Variants in DDX60 observed in about 807,000 individuals in gnomAD.
DDX60 encodes the protein probable ATP-dependent RNA helicase DDX60.
In DDX60, 165 loss-of-function variants were observed where a neutral mutation model predicts 212.8. The observed-to-expected ratio is 0.78, with a 90% CI of 0.68 to 0.88. DDX60 has a LOEUF of 0.88. DDX60 is among the 40% of genes least tolerant of loss of function. The pLI is 0.00. For synonymous variants in DDX60, 703 were observed against 685.3 expected (o/e 1.03, Z -0.40); for missense variants, 1,905 against 2,003.9 (o/e 0.95, Z 0.94).
chr4:168,224,480 A>T, intron 34 of DDX60, 95 bp from the exon 35 acceptor site: 1 of 1,203,642 alleles, frequency 8.3e-7, no homozygotes, highest in Non-Finnish European at 1.2e-6. Flanking sequence ...AAGGGGAGCC[A>T]TTCAGCTTCA....
At chr4:168,277,608 C>T (rs1478524200) in intron 14 of DDX60, among the ~76,000 whole-genome samples, 1 of 151,794 alleles carries the variant, frequency 6.6e-6, no homozygotes, top group Non-Finnish European at 1.5e-5. Context: ...GAGGCCGAGG[C>T]GGGCAGATCA....
chr4:168,248,339 G>A, intron 28 of DDX60, 47 bp from the exon 29 acceptor site: 3 of 1,367,864 alleles, frequency 2.2e-6, no homozygotes, highest in Non-Finnish European at 3.0e-6. Context: ...CATTTTAATA[G>A]AATGCAAGTA....
At chr4:168,239,608 G>C (rs1038976138) in intron 30 of DDX60, among the ~76,000 whole-genome samples, 4 of 152,108 alleles carry the variant, frequency 2.6e-5, no homozygotes, top group African/African-American at 9.7e-5. Context: ...GCTTCACTAT[G>C]TAATGTTAGA....
Position 168,224,129 on chromosome 4 carries a change from A to AT in DDX60, c.4824+113dup, listed in dbSNP as rs536149477. 6.3e-3 allele frequency: 6,531 copies of AT among 1,033,378 alleles called. 1 individual carries two copies. The highest frequency in any genetic ancestry group is 7.2e-3 in the Non-Finnish European group (5,190 of 718,550). 64.0% of individuals were successfully genotyped at this position (1,033,378 alleles called of 1,614,324 possible). A position where few individuals can be genotyped will look rare whatever the true frequency, so the allele number is the denominator to read the frequency against. On this transcript the variant is annotated intron_variant, in intron 35 of 37. Transcript: ENST00000393743. ...TGAATATATCTGTTGATACACCCAG[A>AT]TTTTTTTTTTCCTTTTTAAGCTGGG...
intron 6 of DDX60, 54 bp from the exon 7 acceptor site, chr4:168,293,999 T>G: frequency 1.3e-6 from 2 of 1,532,418 alleles, no homozygotes; most frequent in Non-Finnish European, 1.8e-6. Flanking sequence ...ATATTTTTAT[T>G]TGTAAGTGAT....
intron 5 of DDX60, among the ~76,000 whole-genome samples, chr4:168,302,640 C>A (rs1420148323): frequency 6.6e-6 from 1 of 152,152 alleles, no homozygotes; most frequent in African/African-American, 2.4e-5. Flanking sequence ...TTTTTAACAG[C>A]TTCATAAAAG....
the DDX60 span, among the ~76,000 whole-genome samples, chr4:168,325,682 T>C: frequency 6.6e-6 from 1 of 152,214 alleles, no homozygotes; most frequent in South Asian, 2.1e-4. Context: ...AGAGGAAACA[T>C]TGGGGTCTAA....
chr4:168,323,367 G>A (rs985654934), upstream of DDX60, among the ~76,000 whole-genome samples: 3 of 152,140 alleles, frequency 2.0e-5, no homozygotes, highest in African/African-American at 4.8e-5. Flanking sequence ...AGTCCCCAGC[G>A]GTTGTGAATT....
intron 19 of DDX60, among the ~76,000 whole-genome samples, chr4:168,270,255 G>A (rs1735032020): frequency 6.6e-6 from 1 of 152,188 alleles, no homozygotes; most frequent in South Asian, 2.1e-4. Context: ...ATTCAGAAAA[G>A]AGTCTCAAAT....
intron 1 of DDX60, among the ~76,000 whole-genome samples, chr4:168,314,058 A>G (rs1467132703): frequency 6.6e-6 from 1 of 152,176 alleles, no homozygotes; most frequent in Non-Finnish European, 1.5e-5. Context: ...GTTGCTCTGC[A>G]TGACATAGGA....
At chr4:168,261,909 T>C (rs2149511908) in intron 24 of DDX60, 91 bp downstream of exon 24, 3 of 1,395,136 alleles carry the variant, frequency 2.2e-6, no homozygotes, top group East Asian at 2.7e-5. Context: ...AAATTGAGGA[T>C]TAAAAAAAAT....
chr4:168,304,713 A>C lies in DDX60; in HGVS notation c.606+1666T>G, dbSNP rs967187737. On this transcript the variant is annotated intron_variant, in intron 5 of 37. Coordinates refer to ENST00000393743, the MANE Select transcript of DDX60 (RefSeq NM_017631.6). ...GAAGACACTGTCTCAAGAAAAATAA[A>C]GAAGGAAAATATTTTTGTACAGTTG... 2.6e-5 allele frequency among the ~76,000 whole-genome samples: 4 copies of C among 152,206 alleles called. No homozygotes were observed. In the East Asian group the frequency reaches 7.7e-4, roughly 29 times the overall value.
At chr4:168,271,990 T>C in intron 19 of DDX60, 53 bp downstream of exon 19, 1 of 1,353,366 alleles carries the variant, frequency 7.4e-7, no homozygotes, top group Non-Finnish European at 1.0e-6. Flanking sequence ...ATATCTTCAT[T>C]GCTATGCAAG....
Position 168,237,721 on chromosome 4 carries a change from G to C in DDX60, c.4239C>G (p.Phe1413Leu). 1 of 1,611,726 alleles carries C rather than the reference G, an allele frequency of 6.2e-7. No individual in the cohort carries two copies. The highest frequency in any genetic ancestry group is 8.5e-7 in the Non-Finnish European group (1 of 1,178,856). The change falls in exon 31 of 38, where the codon TTC becomes TTG. Residue 1413 changes from phenylalanine to leucine, a missense_variant. Coordinates refer to ENST00000393743, the MANE Select transcript of DDX60 (RefSeq NM_017631.6). ...PRVMDMLKLY[F>L]LFSLQFLVKE... ...TCACCAGGAACTGCAAAGAAAACAG[G>C]AAGTAAAGTTTTAACATGTCCATGA...
chr4:168,318,313 A>G (rs963217329), intron 1 of DDX60, among the ~76,000 whole-genome samples: 10 of 152,098 alleles, frequency 6.6e-5, no homozygotes, highest in Admixed American at 3.9e-4. Flanking sequence ...TTTCTCCTCA[A>G]CCTCCATTAC....
At chr4:168,224,521 A>G (rs1733181075) in intron 34 of DDX60, 136 bp from the exon 35 acceptor site, 2 of 790,562 alleles carry the variant, frequency 2.5e-6, no homozygotes, top group South Asian at 1.8e-5. Context: ...TTCGTAAGTT[A>G]TATCGCATAA....
At chr4:168,260,180 A>C (rs1240294769) in intron 25 of DDX60, among the ~76,000 whole-genome samples, 1 of 152,086 alleles carries the variant, frequency 6.6e-6, no homozygotes, top group Non-Finnish European at 1.5e-5. Context: ...TTTGTTACAC[A>C]TGTATACATG....
chr4:168,311,513 T>C (rs1737133441), intron 1 of DDX60, 148 bp from the exon 2 acceptor site: 1 of 449,428 alleles, frequency 2.2e-6, no homozygotes, highest in Admixed American at 3.9e-5. Flanking sequence ...AAGATAATTA[T>C]TAATCAGATA....
In DDX60 at chr4:168,316,218, C is replaced by T. The variant is rs184460587; in HGVS notation, c.-107+2404G>A. 2.9e-3 allele frequency among the ~76,000 whole-genome samples: 438 copies of T among 152,286 alleles called. 1 individual carries two copies. The highest frequency in any genetic ancestry group is 0.01 in the African/African-American group (417 of 41,560). On this transcript the variant is annotated intron_variant, in intron 1 of 37. Coordinates refer to ENST00000393743, the MANE Select transcript of DDX60 (RefSeq NM_017631.6). ...CTATTTCAAACAGTAATTTTAACAA[C>T]ATAGAACTACATGTCTTAGCCTAGC...
Sources: allele counts gnomAD v4.1 joint callset (sites outside exome capture counted in the v4.1 genomes callset), GRCh38; gene constraint gnomAD v4.1.1; transcripts MANE v1.5; gene names NCBI Gene and HGNC (gene_info 2026-07-23, HGNC 2026-07-21).